The following KMT2C variants were observed in gnomAD, a reference collection of about 807,000 sequenced individuals.
KMT2C encodes the protein histone-lysine N-methyltransferase 2C.
Under a neutral mutation model 507.9 loss-of-function variants are expected in KMT2C, and 88 were observed. That is an observed-to-expected ratio of 0.17 (90% CI 0.15 to 0.21). The LOEUF (loss-of-function observed/expected upper bound fraction) is 0.21. Ranked by LOEUF, KMT2C falls within the 10% of genes least tolerant of loss-of-function variation. KMT2C has a pLI of 1.00. For missense variants in KMT2C, 4,954 were observed against 5,957.8 expected (o/e 0.83, Z 5.55); for synonymous variants, 2,049 against 2,080.8 (o/e 0.98, Z 0.42).
At chr7:152,224,996 C>T (rs1418147970) in intron 18 of KMT2C, among the ~76,000 whole-genome samples, 2 of 152,084 alleles carry the variant, frequency 1.3e-5, no homozygotes, top group African/African-American at 4.8e-5. Flanking sequence ...CATTTCCATG[C>T]TTAGAATCAA....
intron 25 of KMT2C, among the ~76,000 whole-genome samples, chr7:152,204,692 T>A (rs1158128134): frequency 6.6e-6 from 1 of 152,134 alleles, no homozygotes; most frequent in Non-Finnish European, 1.5e-5. Context: ...CTTGAGAATT[T>A]CAAATTATAT....
At chr7:152,141,369 G>A (rs1161088420) in intron 55 of KMT2C, among the ~76,000 whole-genome samples, 1 of 151,934 alleles carries the variant, frequency 6.6e-6, no homozygotes, top group Non-Finnish European at 1.5e-5. Context: ...CTAACGTACA[G>A]TAGTAACTGG....
intron 1 of KMT2C, among the ~76,000 whole-genome samples, chr7:152,384,130 A>G (rs1481056270): frequency 2.6e-5 from 4 of 152,080 alleles, no homozygotes; most frequent in African/African-American, 9.7e-5. Flanking sequence ...AATCTGTATA[A>G]GCAGTTCAGA....
At chr7:152,258,067 T>C (rs981082001) in intron 9 of KMT2C, among the ~76,000 whole-genome samples, 7 of 152,198 alleles carry the variant, frequency 4.6e-5, no homozygotes, top group African/African-American at 1.4e-4. Context: ...CACCCTTCAG[T>C]AGCAATGAGC....
At chr7:152,338,079 C>T (rs2096954850) in intron 2 of KMT2C, among the ~76,000 whole-genome samples, 1 of 151,932 alleles carries the variant, frequency 6.6e-6, no homozygotes, top group Non-Finnish European at 1.5e-5. Context: ...AGGATGGTCA[C>T]GATCTCCTGA....
rs907969667 is a variant in KMT2C, at chr7:152,404,442, C to G, written c.161+31184G>C. Among the ~76,000 whole-genome samples the G allele has an allele frequency of 1.3e-3, 197 of 147,382 alleles. No homozygotes were observed. In the East Asian group the frequency reaches 0.02, roughly 15 times the overall value. On this transcript the variant is annotated intron_variant, in intron 1 of 58. Coordinates refer to ENST00000262189, the MANE Select transcript of KMT2C (RefSeq NM_170606.3). The stretch of plus-strand genomic sequence containing the variant: ...CTGAGGTCAAGAGTTCAAGACCAGC[C>G]TGGTCAACATGCTGAAACCCTGTCT...
chr7:152,306,887 G>A (rs900641876), intron 6 of KMT2C, among the ~76,000 whole-genome samples: 1 of 152,220 alleles, frequency 6.6e-6, no homozygotes, highest in Admixed American at 6.5e-5. Flanking sequence ...AGCCAGGCGT[G>A]GTGGCACATG....
intron 52 of KMT2C, among the ~76,000 whole-genome samples, 194 bp downstream of exon 52, chr7:152,147,839 A>G (rs2091291613): frequency 6.6e-6 from 1 of 152,208 alleles, no homozygotes; most frequent in Admixed American, 6.5e-5. Flanking sequence ...TATATTGATT[A>G]TGAAAGTGTT....
At chr7:152,158,642 A>T (rs1242988622) in intron 44 of KMT2C, among the ~76,000 whole-genome samples, 2 of 151,912 alleles carry the variant, frequency 1.3e-5, no homozygotes, top group Non-Finnish European at 2.9e-5. Context: ...CAGCCTCCCA[A>T]GTAGCTGGAA....
chr7:152,343,088 G>GA (rs927898471), intron 2 of KMT2C, among the ~76,000 whole-genome samples: 3 of 151,340 alleles, frequency 2.0e-5, no homozygotes, highest in Non-Finnish European at 4.4e-5. Flanking sequence ...TGGCTATCGA[G>GA]AAAAAAAATT....
At chr7:152,236,328 T>C (rs1409803023) in intron 15 of KMT2C, among the ~76,000 whole-genome samples, 1 of 152,252 alleles carries the variant, frequency 6.6e-6, no homozygotes, top group Non-Finnish European at 1.5e-5. Flanking sequence ...CTCGCGGTGA[T>C]TACAATAATA....
rs1227629181 is a variant in KMT2C, at chr7:152,263,024, T to G, written c.1291A>C (p.Lys431Gln). 1 of 1,602,670 alleles carries G rather than the reference T, an allele frequency of 6.2e-7. No homozygotes were observed. The highest frequency in any genetic ancestry group is 8.5e-7 in the Non-Finnish European group (1 of 1,175,680). The change falls in exon 9 of 59, where the codon AAA becomes CAA. Residue 431 changes from lysine (K) to glutamine (Q), a missense_variant. By Grantham distance (53) the Lys-to-Gln change is moderately conservative. This residue lies in a region of KMT2C where 14 missense variants were observed against 23.2 expected (regional missense o/e 0.60). Transcript: ENST00000262189. ...VMKSVPTNGW[K>Q]CKNCRICIEC... ...ATAAATAAACAACTTACTTTGCATT[T>G]CCAGCCATTGGTTGGTACTGATTTC...
intron 21 of KMT2C, 129 bp from the exon 22 acceptor site, chr7:152,222,195 TA>T: frequency 1.6e-6 from 1 of 610,612 alleles, no homozygotes; most frequent in Non-Finnish European, 2.7e-6. Context: ...ACACTAAAGT[TA>T]AAAGTGCTTT....
At position 152,432,794 on chromosome 7, in the gene KMT2C, T is replaced by G. The variant is rs28601611; in HGVS notation, c.161+2832A>C. 8.3e-3 allele frequency among the ~76,000 whole-genome samples: 1,264 copies of G among 152,262 alleles called. 20 individuals carry two copies. The highest frequency in any genetic ancestry group is 0.029 in the African/African-American group (1,211 of 41,540). The stretch of plus-strand genomic sequence containing the variant: ...AAATTTAAACTTGAGGAAAGTGTAA[T>G]TGGTGGTGCATGTTTTTTTAAGCCA... On this transcript the variant is annotated intron_variant, in intron 1 of 58. Transcript: ENST00000262189.
intron 3 of KMT2C, among the ~76,000 whole-genome samples, chr7:152,327,474 AGG>A (rs1187280999): frequency 6.6e-6 from 1 of 152,194 alleles, no homozygotes; most frequent in Non-Finnish European, 1.5e-5. Context: ...TACTTTCAGA[AGG>A]CTCTCAGGCA....
chr7:152,396,868 T>C (rs2097541004), intron 1 of KMT2C, among the ~76,000 whole-genome samples: 1 of 152,212 alleles, frequency 6.6e-6, no homozygotes, highest in African/African-American at 2.4e-5. Flanking sequence ...TGTACTGTCC[T>C]CTTCGATGAG....
At chr7:152,308,238 G>C (rs2096638184) in intron 6 of KMT2C, among the ~76,000 whole-genome samples, 1 of 152,106 alleles carries the variant, frequency 6.6e-6, no homozygotes, top group Non-Finnish European at 1.5e-5. Context: ...ATTTTTACTT[G>C]AATCTAAGTC....
chr7:152,363,941 C>T (rs1051134800), intron 1 of KMT2C, among the ~76,000 whole-genome samples: 1 of 152,150 alleles, frequency 6.6e-6, no homozygotes, highest in Non-Finnish European at 1.5e-5. Flanking sequence ...TGTCTCTAGC[C>T]AACTGTATTG....
chr7:152,248,514 T>G lies in KMT2C; in HGVS notation c.1920A>C (p.Glu640Asp), dbSNP rs746992814. Reference sequence around the variant, plus strand: ...CTTCCATTTTATCTTCAATTTGATCTTCGCCACAAATATGCTTCACTTCAG... The same window carrying G: ...CTTCCATTTTATCTTCAATTTGATCGTCGCCACAAATATGCTTCACTTCAG... ...MSSEVKHICG[E>D]DQIEDKMEVT... The change falls in exon 14 of 59, where the codon GAA (glutamate) becomes GAC (aspartate). Residue 640 changes from glutamate (E) to aspartate (D), a missense_variant. This residue lies in a region of KMT2C where 376 missense variants were observed against 352.4 expected (regional missense o/e 1.07). Coordinates refer to ENST00000262189, the MANE Select transcript of KMT2C (RefSeq NM_170606.3). 3 of 1,613,892 alleles carry G rather than the reference T, an allele frequency of 1.9e-6. No homozygotes were observed. The African/African-American group carries it at 4.0e-5, about 22-fold the overall frequency.
Sources: allele counts gnomAD v4.1 joint callset (sites outside exome capture counted in the v4.1 genomes callset), GRCh38; gene constraint gnomAD v4.1.1; regional missense constraint gnomAD v4.1.1; transcripts MANE v1.5; gene names NCBI Gene and HGNC (gene_info 2026-07-23, HGNC 2026-07-21).